The following LGALS13 variants were observed in gnomAD, a reference collection of about 807,000 sequenced individuals.
The protein encoded by LGALS13 is galectin 13.
A neutral mutation model predicts 13.2 loss-of-function variants in LGALS13; 11 were observed. The observed-to-expected ratio is 0.83, with a 90% confidence interval of 0.52 to 1.38. The LOEUF is 1.38. LGALS13 is among the 40% of genes most tolerant of loss of function. The probability of loss-of-function intolerance (pLI) is 0.00; values close to 1 mark genes in which losing one functional copy is unlikely to be tolerated. For synonymous variants in LGALS13, 71 were observed against 63.7 expected (o/e 1.11, Z -0.54); for missense variants, 183 against 174.3 (o/e 1.05, Z -0.28).
chr19:39,607,294 A>G lies in LGALS13; in HGVS notation c.375A>G (p.Gln125=). The change falls in exon 4 of 4, where the codon CAA becomes CAG. Residue 125 remains glutamine (Q), a synonymous_variant. Transcript: ENST00000221797. Reference sequence around the variant, plus strand: ...CGCCATCATTTGTGAAGATGGTGCAAGTGTCGAGAGATATCTCCCTGACCT... The same window carrying G: ...CGCCATCATTTGTGAAGATGGTGCAGGTGTCGAGAGATATCTCCCTGACCT... ...RIPPSFVKMV[Q]VSRDISLTSV... The G allele has an allele frequency of 6.2e-7, 1 of 1,614,048 alleles. No individual in the cohort carries two copies. Among genetic ancestry groups the G allele is most frequent in the Non-Finnish European group, 8.5e-7 (1 of 1,179,946 alleles).
intron 1 of LGALS13, among the ~76,000 whole-genome samples, 164 bp from the exon 2 acceptor site, chr19:39,604,438 G>A (rs962301910): frequency 5.9e-5 from 9 of 152,080 alleles, no homozygotes; most frequent in African/African-American, 9.7e-5. Context: ...TTATGGGTCC[G>A]CCATATCTTC....
In LGALS13 at chr19:39,605,356, C is replaced by A. The variant is rs373446069; in HGVS notation, c.271C>A (p.Leu91Met). 9 of 1,614,058 alleles carry A rather than the reference C, an allele frequency of 5.6e-6. No individual in the cohort carries two copies. Among genetic ancestry groups the A allele is most frequent in the African/African-American group, 1.3e-5 (1 of 74,914 alleles). The change falls in exon 3 of 4, where the codon CTG (leucine) becomes ATG (methionine). Residue 91 changes from leucine (L) to methionine (M), a missense_variant. By Grantham distance (15) the Leu-to-Met change is conservative. Transcript: ENST00000221797. ...CTTTGAGGATGGCAAACAATTTGAG[C>A]TGTGCATCTACGTACATTACAATGA... is the stretch of plus-strand genomic sequence containing the variant. ...VPFEDGKQFE[L>M]CIYVHYNEYE...
chr19:39,607,234 T>G lies in LGALS13; in HGVS notation c.315T>G (p.Asn105Lys). Residue 105 changes from asparagine to lysine, a missense_variant, in exon 4 of 4, where the codon AAT becomes AAG. Transcript: ENST00000221797. ...TTTTCCTCTTGTAGATAAAGGTCAA[T>G]GGCATACGCATTTACGGCTTTGTCC... The part of the protein sequence containing the change: ...VHYNEYEIKV[N>K]GIRIYGFVHR... 1 of 1,613,868 alleles carries G rather than the reference T, an allele frequency of 6.2e-7. No homozygotes were observed. The highest frequency in any genetic ancestry group is 8.5e-7 in the Non-Finnish European group (1 of 1,179,746).
rs545680069 is a variant in LGALS13, at chr19:39,602,684, A to C, written c.15+101A>C. 1.2e-5 allele frequency: 14 copies of C among 1,159,852 alleles called. No homozygotes were observed. The Admixed American group carries it at 1.7e-4, about 14-fold the overall frequency. 71.8% of individuals were successfully genotyped at this position (1,159,852 alleles called of 1,614,324 possible). A position where few individuals can be genotyped will look rare whatever the true frequency, so the allele number is the denominator to read the frequency against. ...GAAAATATGAGCATTTTTGCTGTGA[A>C]TGCTTTACTTAGAGCTATTGAGGTG... On this transcript the variant is annotated intron_variant, in intron 1 of 3. Coordinates refer to ENST00000221797, the MANE Select transcript of LGALS13 (RefSeq NM_013268.3).
Position 39,605,846 on chromosome 19 carries a change from TTTTG to T in LGALS13, c.303+470_303+473del, listed in dbSNP as rs780944733. 6.2e-5 allele frequency among the ~76,000 whole-genome samples: 9 copies of T among 146,266 alleles called. No individual in the cohort carries two copies. In the South Asian group the frequency reaches 1.6e-3, roughly 26 times the overall value. On this transcript the variant is annotated intron_variant, in intron 3 of 3. Transcript: ENST00000221797. Reference sequence around the variant, plus strand: ...AAAGAGGTTTTGTTTGTTTGTTTGTTTTTGTTTGTTTGTTTTCTTGAGATAGAGT... The same window carrying T: ...AAAGAGGTTTTGTTTGTTTGTTTGTTTTTGTTTGTTTTCTTGAGATAGAGT...
At chr19:39,604,260 AC>A (rs1972646123) in intron 1 of LGALS13, among the ~76,000 whole-genome samples, 2 of 152,168 alleles carry the variant, frequency 1.3e-5, no homozygotes, top group South Asian at 4.2e-4. Flanking sequence ...ACATGTATTA[AC>A]TCCCTATTAC....
In LGALS13 at chr19:39,607,275, C is replaced by T. The variant is rs1600801274; in HGVS notation, c.356C>T (p.Ser119Leu). ...GGCTTTGTCCATCGAATCCCGCCAT[C>T]ATTTGTGAAGATGGTGCAAGTGTCG... ...IYGFVHRIPP[S>L]FVKMVQVSRD... The change falls in exon 4 of 4, where the codon TCA becomes TTA. Residue 119 changes from serine to leucine, a missense_variant. Coordinates refer to ENST00000221797, the MANE Select transcript of LGALS13 (RefSeq NM_013268.3). 4 of 1,613,982 alleles carry T rather than the reference C, an allele frequency of 2.5e-6. No individual in the cohort carries two copies. The highest frequency in any genetic ancestry group is 1.7e-5 in the Admixed American group (1 of 60,010).
chr19:39,603,876 C>G, intron 1 of LGALS13: 1 of 912,762 alleles, frequency 1.1e-6, no homozygotes, highest in South Asian at 5.1e-5. Context: ...ATCATCTCAT[C>G]TACTTGTAGT....
Position 39,605,367 on chromosome 19 carries a change from C to A in LGALS13, c.282C>A (p.Tyr94Ter), listed in dbSNP as rs376422089. 1 of 1,614,126 alleles carries A rather than the reference C, an allele frequency of 6.2e-7. No individual in the cohort carries two copies. Among genetic ancestry groups the A allele is most frequent in the Admixed American group, 1.7e-5 (1 of 60,022 alleles). Reference protein sequence around the residue: ...EDGKQFELCIYVHYNEYEIKV... With the variant: ...EDGKQFELCI Reference sequence around the variant, plus strand: ...GCAAACAATTTGAGCTGTGCATCTACGTACATTACAATGAGTATGAGGTGA... The same window carrying A: ...GCAAACAATTTGAGCTGTGCATCTAAGTACATTACAATGAGTATGAGGTGA... Residue 94 changes from tyrosine (Y) to a stop codon, truncating the protein, a stop_gained, in exon 3 of 4, where the codon TAC becomes TAA. Transcript: ENST00000221797. LOFTEE classifies it low-confidence loss of function (END_TRUNC).
intron 2 of LGALS13, 99 bp downstream of exon 2, chr19:39,604,777 C>G (rs1432220029): frequency 7.0e-7 from 1 of 1,420,010 alleles, no homozygotes; most frequent in South Asian, 1.1e-5. Context: ...GTCTAGTTGG[C>G]AGAATGGAGG....
intron 2 of LGALS13, 139 bp from the exon 3 acceptor site, chr19:39,605,039 T>A: frequency 1.3e-6 from 1 of 775,320 alleles, no homozygotes; most frequent in South Asian, 1.5e-5. Flanking sequence ...AGCTGAAGCA[T>A]CCCCACAGGG....
At chr19:39,607,071 C>T (rs575468869) in intron 3 of LGALS13, 152 bp from the exon 4 acceptor site, 8 of 690,192 alleles carry the variant, frequency 1.2e-5, no homozygotes, top group East Asian at 2.7e-5. Context: ...AGGCACAAAA[C>T]GTCATCTGTA....
intron 1 of LGALS13, among the ~76,000 whole-genome samples, chr19:39,604,300 T>C (rs1972646719): frequency 6.6e-6 from 1 of 152,128 alleles, no homozygotes; most frequent in South Asian, 2.1e-4. Flanking sequence ...TAGAAATTCC[T>C]GATAATCCTC....
In LGALS13 at chr19:39,605,243, G is replaced by A. The variant is rs552269237; in HGVS notation, c.158G>A (p.Arg53His). 1.0e-4 allele frequency: 163 copies of A among 1,614,066 alleles called. 1 individual carries two copies. The highest frequency in any genetic ancestry group is 4.3e-4 in the Admixed American group (26 of 60,012). The change falls in exon 3 of 4, where the codon CGT (arginine) becomes CAT (histidine). Residue 53 changes from arginine (R) to histidine (H), a missense_variant. Transcript: ENST00000221797. Reference sequence around the variant, plus strand: ...GATGAGGATTCAGATATTGCCTTCCGTTTCCGAGTGCACTTTGGCAATCAT... The same window carrying A: ...GATGAGGATTCAGATATTGCCTTCCATTTCCGAGTGCACTTTGGCAATCAT... ...DMDEDSDIAF[R>H]FRVHFGNHVV...
chr19:39,604,564 G>A, intron 1 of LGALS13, 38 bp from the exon 2 acceptor site: 2 of 1,610,550 alleles, frequency 1.2e-6, no homozygotes, highest in Non-Finnish European at 1.7e-6. Context: ...GACTGCACCT[G>A]ACCCTGCACC....
chr19:39,603,068 A>C (rs1056452425), intron 1 of LGALS13, among the ~76,000 whole-genome samples: 1 of 152,110 alleles, frequency 6.6e-6, no homozygotes, highest in East Asian at 1.9e-4. Context: ...TGTATGTTGA[A>C]GTGGGATCAT....
chr19:39,604,758 T>A, intron 2 of LGALS13, 80 bp downstream of exon 2: 3 of 1,539,312 alleles, frequency 1.9e-6, no homozygotes, highest in Non-Finnish European at 2.7e-6. Context: ...ATGTGGGTGA[T>A]GTGGAAATGT....
chr19:39,605,095 G>T, intron 2 of LGALS13, 83 bp from the exon 3 acceptor site: 1 of 1,179,734 alleles, frequency 8.5e-7, no homozygotes, highest in Non-Finnish European at 1.3e-6. Flanking sequence ...CTAGGTAAAT[G>T]GGGGAAGGGA....
intron 2 of LGALS13, 111 bp from the exon 3 acceptor site, chr19:39,605,067 A>T (rs1290873522): frequency 1.1e-6 from 1 of 910,056 alleles, no homozygotes; most frequent in Non-Finnish European, 1.8e-6. Flanking sequence ...CATCAGTATT[A>T]TCTGGGAGAC....
Sources: allele counts gnomAD v4.1 joint callset (sites outside exome capture counted in the v4.1 genomes callset), GRCh38; gene constraint gnomAD v4.1.1; transcripts MANE v1.5; gene names NCBI Gene and HGNC (gene_info 2026-07-23, HGNC 2026-07-21).